Variants in CREBBP observed in about 807,000 individuals in gnomAD.
CREBBP encodes CREB-binding protein.
CREBBP carries 19 observed loss-of-function variants against 265.0 expected under a neutral mutation model. The ratio of observed to expected loss-of-function variants is 0.07; its 90% CI spans 0.05 to 0.11. The LOEUF (loss-of-function observed/expected upper bound fraction) is 0.11, where lower values mean the gene tolerates loss of function less well. Among genes scored for constraint, CREBBP ranks in the 10% least tolerant of loss-of-function variants. The pLI, the probability that CREBBP is intolerant of heterozygous loss-of-function variation, is 1.00. For missense variants in CREBBP, 2,525 were observed against 3,219.0 expected, an observed-to-expected ratio of 0.78 and a Z score of 5.22; for synonymous variants, 1,457 against 1,223.7, an observed-to-expected ratio of 1.19 and a Z score of -3.98.
At chr16:3,752,365 A>G (rs1273876661) in intron 19 of CREBBP, among the ~76,000 whole-genome samples, 3 of 152,214 alleles carry the variant, frequency 2.0e-5, no homozygotes, top group Non-Finnish European at 4.4e-5. Context: ...TATGCTTGAC[A>G]GCAATTCAGA....
rs922704211 is a variant in CREBBP, at chr16:3,725,285, G to A, written c.*2433C>T. ...CTTCGACATCTGGATTGCCCAAGAC[G>A]GTTGCACAGGATGCAGACTCCAAAG... is the stretch of plus-strand genomic sequence containing the variant. On this transcript the variant is annotated 3_prime_UTR_variant, in exon 31 of 31. Coordinates refer to ENST00000262367, the MANE Select transcript of CREBBP (RefSeq NM_004380.3). 9.4e-5 allele frequency: 22 copies of A among 233,210 alleles called. No homozygotes were observed. The highest frequency in any genetic ancestry group is 4.6e-4 in the African/African-American group (21 of 45,334). 14.4% of individuals were successfully genotyped at this position (233,210 alleles called of 1,614,324 possible).
At chr16:3,817,058 C>G (rs2054050039) in intron 2 of CREBBP, among the ~76,000 whole-genome samples, 1 of 152,198 alleles carries the variant, frequency 6.6e-6, no homozygotes, top group Non-Finnish European at 1.5e-5. Context: ...CAGGAGTGGA[C>G]AGCTACTTTC....
At chr16:3,869,139 A>G (rs142903432) in intron 1 of CREBBP, among the ~76,000 whole-genome samples, 2 of 152,246 alleles carry the variant, frequency 1.3e-5, no homozygotes, top group African/African-American at 4.8e-5. Flanking sequence ...TGTCAGTGCT[A>G]ACGTCACAGC....
Position 3,732,031 on chromosome 16 carries a change from A to G in CREBBP, c.4729-94T>C, listed in dbSNP as rs529361903. The G allele has an allele frequency of 2.5e-6, 4 of 1,606,922 alleles. No homozygotes were observed. The South Asian group carries it at 4.4e-5, about 18-fold the overall frequency. ...CCAGGCCGTGGGCATCAGGAAGCTC[A>G]GGCCAAAGTAGGTCACCACCAGGCA... On this transcript the variant is annotated intron_variant, in intron 28 of 30. Coordinates refer to ENST00000262367, the MANE Select transcript of CREBBP (RefSeq NM_004380.3).
At chr16:3,806,118 A>G (rs2053825088) in intron 3 of CREBBP, among the ~76,000 whole-genome samples, 1 of 152,036 alleles carries the variant, frequency 6.6e-6, no homozygotes, top group Non-Finnish European at 1.5e-5. Context: ...AATGGAATGA[A>G]CCCCTGGACA....
At chr16:3,871,719 G>A (rs973006899) in intron 1 of CREBBP, among the ~76,000 whole-genome samples, 1 of 152,206 alleles carries the variant, frequency 6.6e-6, no homozygotes, top group African/African-American at 2.4e-5. Context: ...AAACTAGGGG[G>A]AGGAGAAGCA....
intron 30 of CREBBP, among the ~76,000 whole-genome samples, chr16:3,730,793 C>A (rs1476592774): frequency 6.6e-6 from 1 of 152,106 alleles, no homozygotes; most frequent in Non-Finnish European, 1.5e-5. Flanking sequence ...ACACCCACGT[C>A]ATTTCACAGG....
intron 21 of CREBBP, among the ~76,000 whole-genome samples, chr16:3,745,952 T>G (rs1021335885): frequency 6.6e-6 from 1 of 152,220 alleles, no homozygotes; most frequent in African/African-American, 2.4e-5. Context: ...AGCGAGAGAA[T>G]GGACCACCCA....
intron 18 of CREBBP, 78 bp from the exon 19 acceptor site, chr16:3,757,454 G>GT: frequency 8.5e-7 from 1 of 1,179,730 alleles, no homozygotes; most frequent in Non-Finnish European, 1.2e-6. Flanking sequence ...GTCTACTATA[G>GT]AGACTAGTAA....
chr16:3,830,148 G>C (rs1248700812), intron 2 of CREBBP, among the ~76,000 whole-genome samples: 3 of 152,176 alleles, frequency 2.0e-5, no homozygotes, highest in African/African-American at 7.2e-5. Context: ...TGTAATCCCA[G>C]CACTTTGGGA....
At chr16:3,819,302 G>T (rs1224667237) in intron 2 of CREBBP, among the ~76,000 whole-genome samples, 1 of 152,214 alleles carries the variant, frequency 6.6e-6, no homozygotes, top group Non-Finnish European at 1.5e-5. Context: ...GTAAAATGGA[G>T]ATCACAGCAC....
chr16:3,783,239 A>G (rs1204559137), intron 5 of CREBBP, among the ~76,000 whole-genome samples: 2 of 152,208 alleles, frequency 1.3e-5, no homozygotes, highest in Non-Finnish European at 2.9e-5. Flanking sequence ...CTCCTCAAGA[A>G]GTCAGTTCCA....
At chr16:3,802,688 G>A (rs933923228) in intron 3 of CREBBP, among the ~76,000 whole-genome samples, 1 of 152,076 alleles carries the variant, frequency 6.6e-6, no homozygotes, top group South Asian at 2.1e-4. Context: ...GTTCCAAACA[G>A]CAAGAGACTG....
intron 2 of CREBBP, among the ~76,000 whole-genome samples, chr16:3,837,609 G>C (rs958100038): frequency 6.6e-6 from 1 of 150,392 alleles, no homozygotes; most frequent in Admixed American, 6.6e-5. Flanking sequence ...CAGCAAGACT[G>C]TCTCAAAAAA....
rs566846090 is a variant in CREBBP, at chr16:3,866,392, A to C, written c.85+13440T>G. Among the ~76,000 whole-genome samples the C allele has an allele frequency of 1.6e-4, 24 of 152,342 alleles. 2 individuals carry two copies. The highest frequency in any genetic ancestry group is 5.8e-4 in the African/African-American group (24 of 41,578). ...TGATGATCAGACGCCACACTAAAAC[A>C]CAATCCATTTTCCTATCTCTGGATG... On this transcript the variant is annotated intron_variant, in intron 1 of 30. Transcript: ENST00000262367.
intron 15 of CREBBP, 90 bp downstream of exon 15, chr16:3,769,084 G>A (rs1693020137): frequency 7.0e-7 from 1 of 1,419,492 alleles, no homozygotes; most frequent in Non-Finnish European, 9.9e-7. Flanking sequence ...TAAAGTCAGG[G>A]ATACCCATGG....
intron 1 of CREBBP, among the ~76,000 whole-genome samples, chr16:3,877,930 A>C (rs945492789): frequency 8.5e-5 from 13 of 152,184 alleles, no homozygotes; most frequent in Non-Finnish European, 1.9e-4. Context: ...AAGGGGGAAA[A>C]GGTGGTTAAG....
At chr16:3,875,081 A>C (rs575869065) in intron 1 of CREBBP, among the ~76,000 whole-genome samples, 25 of 152,356 alleles carry the variant, frequency 1.6e-4, no homozygotes, top group Non-Finnish European at 2.8e-4. Context: ...CACACTACTT[A>C]GAAGCTGTGA....
At chr16:3,765,135 G>A (rs528575512) in intron 16 of CREBBP, among the ~76,000 whole-genome samples, 10 of 152,162 alleles carry the variant, frequency 6.6e-5, no homozygotes, top group African/African-American at 1.2e-4. Context: ...CACCACGCCC[G>A]CATAATTTTT....
Sources: gnomAD v4.1 joint callset for allele counts (sites outside exome capture counted in the v4.1 genomes callset) on GRCh38, gnomAD v4.1.1 for gene constraint, MANE v1.5 for transcripts, NCBI Gene and HGNC (gene_info 2026-07-23, HGNC 2026-07-21) for gene names.